Variants in MAPKAPK3 observed in about 807,000 individuals in gnomAD.
The protein encoded by MAPKAPK3 is MAP kinase-activated protein kinase 3.
A neutral mutation model predicts 49.2 loss-of-function variants in MAPKAPK3; 35 were observed. The observed-to-expected ratio is 0.71, with a 90% CI of 0.54 to 0.94. The LOEUF (loss-of-function observed/expected upper bound fraction) is 0.94. Ranked by LOEUF, MAPKAPK3 falls within the 40% of genes least tolerant of loss-of-function variation. The probability of loss-of-function intolerance (pLI) is 0.00; values close to 1 mark genes in which losing one functional copy is unlikely to be tolerated. For missense variants in MAPKAPK3, 398 were observed against 493.1 expected (o/e 0.81, Z 1.83); for synonymous variants, 178 against 188.7 (o/e 0.94, Z 0.46).
chr3:50,640,459 G>A lies in MAPKAPK3; in HGVS notation c.313G>A (p.Glu105Lys). The A allele has an allele frequency of 1.2e-6, 2 of 1,614,126 alleles. No individual in the cohort carries two copies. Among genetic ancestry groups the A allele is most frequent in the South Asian group, 1.1e-5 (1 of 91,086 alleles). The part of the protein sequence containing the change: ...PHIVCILDVY[E>K]NMHHGKRCLL... ...TATTGTCTGCATCCTGGATGTGTAT[G>A]AGAACATGCACCATGGCAAGCGCTG... is the stretch of plus-strand genomic sequence containing the variant. The change falls in exon 3 of 11, where the codon GAG (glutamate) becomes AAG (lysine). Residue 105 changes from glutamate (E) to lysine (K), a missense_variant. By Grantham distance (56) the Glu-to-Lys change is moderately conservative (BLOSUM62 1). Around this residue, in one of 5 missense-constraint regions of MAPKAPK3, gnomAD observed 52 missense variants for 91.9 expected, o/e 0.57. Transcript: ENST00000621469.
At chr3:50,617,900 T>C in intron 2 of MAPKAPK3, 116 bp downstream of exon 2, 1 of 771,960 alleles carries the variant, frequency 1.3e-6, no homozygotes, top group Non-Finnish European at 2.2e-6. Context: ...ACATGTTTCA[T>C]CGTCATACTG....
At chr3:50,646,606 C>A in intron 8 of MAPKAPK3, 134 bp from the exon 9 acceptor site, 1 of 778,272 alleles carries the variant, frequency 1.3e-6, no homozygotes, top group South Asian at 1.5e-5. Flanking sequence ...TAGTTGTTAG[C>A]TCACTCTTTC....
intron 2 of MAPKAPK3, among the ~76,000 whole-genome samples, chr3:50,631,625 T>C (rs2032913187): frequency 6.6e-6 from 1 of 152,262 alleles, no homozygotes; most frequent in Non-Finnish European, 1.5e-5. Flanking sequence ...GTGTCTCTTA[T>C]ATCATTTGAG....
At chr3:50,642,119 A>G in intron 4 of MAPKAPK3, 134 bp from the exon 5 acceptor site, 2 of 680,342 alleles carry the variant, frequency 2.9e-6, no homozygotes, top group Admixed American at 2.3e-5. Context: ...GGGATAGAGA[A>G]CCTGGATAGC....
intron 2 of MAPKAPK3, among the ~76,000 whole-genome samples, chr3:50,636,843 T>C (rs554538690): frequency 6.6e-5 from 10 of 152,132 alleles, no homozygotes; most frequent in Non-Finnish European, 1.3e-4. Context: ...TCAGGGGATT[T>C]CTTGGCAGCT....
At chr3:50,635,406 CTTTTTTTTTTTTTTTTT>C (rs386396609) in intron 2 of MAPKAPK3, among the ~76,000 whole-genome samples, 15 of 48,580 alleles carry the variant, frequency 3.1e-4, no homozygotes, top group African/African-American at 1.4e-3. Context: ...TCAATTTAAT[CTTTTTTTTTTTTTTTTT>C]TTTTTTTTTT....
At chr3:50,622,003 T>C (rs1012895495) in intron 2 of MAPKAPK3, among the ~76,000 whole-genome samples, 1 of 152,206 alleles carries the variant, frequency 6.6e-6, no homozygotes, top group African/African-American at 2.4e-5. Flanking sequence ...TGCAGAGTCC[T>C]CTGGGTCAAG....
At chr3:50,619,274 G>T (rs1221068498) in intron 2 of MAPKAPK3, among the ~76,000 whole-genome samples, 1 of 152,186 alleles carries the variant, frequency 6.6e-6, no homozygotes, top group African/African-American at 2.4e-5. Context: ...CCAGCTCTCT[G>T]TGTCTTTCCC....
At position 50,627,100 on chromosome 3, in the gene MAPKAPK3, C is replaced by G. The variant is rs578113158; in HGVS notation, c.219+9316C>G. Reference sequence around the variant, plus strand: ...TTGAGAGGCTGAGGCAGGAGAATCACTTGAACCCGGGAAATGGAGGTTGCA... The same window carrying G: ...TTGAGAGGCTGAGGCAGGAGAATCAGTTGAACCCGGGAAATGGAGGTTGCA... On this transcript the variant is annotated intron_variant, in intron 2 of 10. Transcript: ENST00000621469. Among the ~76,000 whole-genome samples the G allele has an allele frequency of 4.0e-5, 6 of 151,078 alleles. No individual in the cohort carries two copies. In the South Asian group the frequency reaches 1.3e-3, roughly 32 times the overall value.
chr3:50,631,254 T>A (rs1029005452), intron 2 of MAPKAPK3, among the ~76,000 whole-genome samples: 1 of 152,234 alleles, frequency 6.6e-6, no homozygotes, highest in Non-Finnish European at 1.5e-5. Flanking sequence ...GATTTGAAAC[T>A]GTGGCTAAAA....
At chr3:50,617,937 C>T (rs1416127304) in intron 2 of MAPKAPK3, among the ~76,000 whole-genome samples, 153 bp downstream of exon 2, 2 of 152,230 alleles carry the variant, frequency 1.3e-5, no homozygotes, top group African/African-American at 2.4e-5. Flanking sequence ...TTGTGGTCCT[C>T]CCTACTTCAC....
chr3:50,641,877 C>A, intron 4 of MAPKAPK3, 106 bp downstream of exon 4: 1 of 985,896 alleles, frequency 1.0e-6, no homozygotes, highest in Non-Finnish European at 1.6e-6. Context: ...GTCTTCCCAT[C>A]TGAATAAGAA....
intron 2 of MAPKAPK3, among the ~76,000 whole-genome samples, chr3:50,627,235 G>A (rs140933363): frequency 8.2e-4 from 123 of 150,364 alleles, no homozygotes; most frequent in African/African-American, 2.8e-3. Flanking sequence ...GCTTGGCAAA[G>A]GCCTCCCTTT....
chr3:50,617,821 A>G, intron 2 of MAPKAPK3, 37 bp downstream of exon 2: 1 of 1,539,626 alleles, frequency 6.5e-7, no homozygotes, highest in Non-Finnish European at 9.0e-7. Flanking sequence ...GGTATCCTGG[A>G]GGGTCCACAG....
upstream of MAPKAPK3, among the ~76,000 whole-genome samples, chr3:50,614,845 T>A (rs937211754): frequency 6.6e-6 from 1 of 152,200 alleles, no homozygotes; most frequent in Non-Finnish European, 1.5e-5. Flanking sequence ...ACACTGGTTA[T>A]AGGGACTGGG....
At chr3:50,622,455 A>G (rs759202781) in intron 2 of MAPKAPK3, among the ~76,000 whole-genome samples, 1 of 152,218 alleles carries the variant, frequency 6.6e-6, no homozygotes, top group African/African-American at 2.4e-5. Flanking sequence ...CTTTGGGGCA[A>G]TGGAACCTTC....
At chr3:50,646,369 C>T (rs1363354918) in intron 8 of MAPKAPK3, 105 bp downstream of exon 8, 1 of 1,508,296 alleles carries the variant, frequency 6.6e-7, no homozygotes, top group Non-Finnish European at 9.1e-7. Flanking sequence ...AATCTTGGCT[C>T]CCCCTCTTTC....
At chr3:50,646,922 G>A in intron 9 of MAPKAPK3, 97 bp downstream of exon 9, 2 of 1,254,574 alleles carry the variant, frequency 1.6e-6, no homozygotes, top group Non-Finnish European at 2.3e-6. Flanking sequence ...CCCAGTGCAG[G>A]GCTGGAATGG....
rs1559492252 is a variant in MAPKAPK3 at position 50,648,925 on chromosome 3, T to A, written c.*879T>A. 6.6e-6 allele frequency: 1 copy of A among 152,274 alleles called. No individual in the cohort carries two copies. The highest frequency in any genetic ancestry group is 1.5e-5 in the Non-Finnish European group (1 of 68,062). The allele number at this position is 152,274 out of a possible 1,614,324, so 9.4% of individuals were successfully genotyped here. On this transcript the variant is annotated 3_prime_UTR_variant, in exon 11 of 11. Transcript: ENST00000621469. ...GTCAGGGGCTATCTTTTGGTATACTTGTGTGAAAGTGGCTGGTTGGGAGCA... is the reference window on the plus strand; with the variant it reads ...GTCAGGGGCTATCTTTTGGTATACTAGTGTGAAAGTGGCTGGTTGGGAGCA...
Sources: allele counts gnomAD v4.1 joint callset (sites outside exome capture counted in the v4.1 genomes callset), GRCh38; gene constraint gnomAD v4.1.1; regional missense constraint gnomAD v4.1.1; transcripts MANE v1.5; gene names NCBI Gene and HGNC (gene_info 2026-07-23, HGNC 2026-07-21).